Variants in UMODL1 observed in about 807,000 individuals in gnomAD.
UMODL1 encodes the protein uromodulin like 1.
UMODL1 carries 128 observed loss-of-function variants against 136.3 expected under a neutral mutation model. The observed-to-expected ratio is 0.94, with a 90% confidence interval of 0.81 to 1.09. UMODL1 has a LOEUF of 1.09. UMODL1 is among the 50% of genes least tolerant of loss of function. UMODL1 has a pLI of 0.00. For missense variants in UMODL1, 1,766 were observed against 1,725.6 expected, an observed-to-expected ratio of 1.02 and a Z score of -0.41; for synonymous variants, 721 against 720.0, an observed-to-expected ratio of 1.00 and a Z score of -0.02.
chr21:42,102,344 C>A, intron 8 of UMODL1, 66 bp downstream of exon 8: 1 of 1,200,692 alleles, frequency 8.3e-7, no homozygotes, highest in Non-Finnish European at 1.2e-6. Flanking sequence ...AAACACAAGC[C>A]GTTAATTCCT....
chr21:42,108,407 T>C (rs1199079531), intron 9 of UMODL1: 1 of 495,282 alleles, frequency 2.0e-6, no homozygotes, highest in South Asian at 1.5e-5. Context: ...ATAGCTGTTG[T>C]GGCAGCTGAC....
intron 19 of UMODL1, 70 bp downstream of exon 19, chr21:42,127,312 A>C (rs2123366688): frequency 7.2e-7 from 1 of 1,398,084 alleles, no homozygotes; most frequent in Non-Finnish European, 1.0e-6. Context: ...GGTAGGGCTC[A>C]AGAATGCAGA....
chr21:42,097,213 C>A (rs190140005), intron 6 of UMODL1, among the ~76,000 whole-genome samples: 65 of 152,258 alleles, frequency 4.3e-4, no homozygotes, highest in Admixed American at 2.7e-3. Flanking sequence ...TACATTCTAC[C>A]CCACATCCTA....
At position 42,111,836 on chromosome 21, in the gene UMODL1, A is replaced by T; in HGVS notation, c.2104+126A>T. 4.9e-6 allele frequency: 5 copies of T among 1,020,972 alleles called. No individual in the cohort carries two copies. The South Asian group carries it at 8.8e-5, about 18-fold the overall frequency. The allele number at this position is 1,020,972 out of a possible 1,614,324, so 63.2% of individuals were successfully genotyped here. A position where few individuals can be genotyped will look rare whatever the true frequency, so the allele number is the denominator to read the frequency against. ...CTAGCAATGCTCAGGCGGCATCCTCATCTTGTGCGTGTGGAAACGGAGGCA... is the reference window on the plus strand; with the variant it reads ...CTAGCAATGCTCAGGCGGCATCCTCTTCTTGTGCGTGTGGAAACGGAGGCA... On this transcript the variant is annotated intron_variant, in intron 12 of 22. Coordinates refer to ENST00000408910, the MANE Select transcript of UMODL1 (RefSeq NM_001004416.3).
chr21:42,118,983 CTG>C, intron 14 of UMODL1, 126 bp from the exon 15 acceptor site: 1 of 886,624 alleles, frequency 1.1e-6, no homozygotes, highest in Non-Finnish European at 1.7e-6. Flanking sequence ...CAGAACCAAC[CTG>C]TGGCTTTTAC....
At chr21:42,121,916 G>A (rs962048521) in intron 16 of UMODL1, among the ~76,000 whole-genome samples, 1 of 152,194 alleles carries the variant, frequency 6.6e-6, no homozygotes, top group Non-Finnish European at 1.5e-5. Flanking sequence ...GGCATGGTGG[G>A]TGGGTGCCGT....
intron 6 of UMODL1, among the ~76,000 whole-genome samples, chr21:42,097,224 G>T (rs1477542158): frequency 6.6e-6 from 1 of 152,204 alleles, no homozygotes; most frequent in African/African-American, 2.4e-5. Flanking sequence ...CCACATCCTA[G>T]AAGTGTTATT....
chr21:42,102,053 C>A, intron 7 of UMODL1, 113 bp from the exon 8 acceptor site: 1 of 704,248 alleles, frequency 1.4e-6, no homozygotes, highest in Non-Finnish European at 2.4e-6. Flanking sequence ...AAGATTCATG[C>A]CTCAATCTAT....
chr21:42,081,781 G>A (rs981016866), intron 2 of UMODL1, among the ~76,000 whole-genome samples: 1 of 152,130 alleles, frequency 6.6e-6, no homozygotes, highest in African/African-American at 2.4e-5. Flanking sequence ...GGGCATTGTC[G>A]GGAAACTCCA....
chr21:42,109,095 C>T (rs113572114), intron 9 of UMODL1, among the ~76,000 whole-genome samples: 2 of 129,640 alleles, frequency 1.5e-5, no homozygotes, highest in Non-Finnish European at 3.3e-5. Flanking sequence ...CCACCCCCGG[C>T]GTGGAAAGCT....
At chr21:42,126,870 G>A (rs189014304) in intron 18 of UMODL1, 136 bp from the exon 19 acceptor site, 9 of 804,434 alleles carry the variant, frequency 1.1e-5, no homozygotes, top group African/African-American at 1.7e-5. Flanking sequence ...AAGTGCTCTC[G>A]TTTGGGGTTG....
At chr21:42,072,293 T>A (rs1276645243) in intron 1 of UMODL1, among the ~76,000 whole-genome samples, 2 of 152,232 alleles carry the variant, frequency 1.3e-5, no homozygotes, top group African/African-American at 2.4e-5. Context: ...AATTTTAAAA[T>A]CATTTTCCTC....
chr21:42,086,708 G>A (rs1237696712), intron 4 of UMODL1: 1 of 445,406 alleles, frequency 2.2e-6, no homozygotes, highest in Non-Finnish European at 4.5e-6. Context: ...GCTCAAGCTT[G>A]TAATCCCAGC....
upstream of UMODL1, among the ~76,000 whole-genome samples, chr21:42,068,029 C>T (rs892304381): frequency 6.6e-5 from 10 of 152,082 alleles, no homozygotes; most frequent in East Asian, 7.7e-4. This position sits in a 1 kb window ranked among gnomAD's most constrained non-coding sequence, Gnocchi z 5.5. Flanking sequence ...AGAGGCGGCC[C>T]GGAGAACTCT....
chr21:42,116,949 G>A (rs1285283833), intron 14 of UMODL1, among the ~76,000 whole-genome samples: 1 of 152,118 alleles, frequency 6.6e-6, no homozygotes, highest in Non-Finnish European at 1.5e-5. Flanking sequence ...GGTGGCGGGT[G>A]CCTGTAATCC....
chr21:42,074,570 G>A (rs1157146282), intron 1 of UMODL1, among the ~76,000 whole-genome samples: 1 of 152,176 alleles, frequency 6.6e-6, no homozygotes, highest in Admixed American at 6.6e-5. Flanking sequence ...TCTCGAGAAC[G>A]GAGTAATCAC....
intron 4 of UMODL1, among the ~76,000 whole-genome samples, chr21:42,087,443 T>C (rs1420540129): frequency 1.3e-5 from 2 of 152,214 alleles, no homozygotes; most frequent in African/African-American, 4.8e-5. Flanking sequence ...TGGTGACCAC[T>C]GGTCTGGCTG....
Position 42,122,794 on chromosome 21 carries a change from G to T in UMODL1, c.2828-37G>T. On this transcript the variant is annotated intron_variant, in intron 16 of 22. Coordinates refer to ENST00000408910, the MANE Select transcript of UMODL1 (RefSeq NM_001004416.3). The surrounding 1 kb of genome is among the most constrained non-coding windows in gnomAD (Gnocchi z 4.3). ...CCCCTCCATGCCAACCCCAAACACA[G>T]AGCCACTCTTTGCCTTTTCCTCCTT... is the stretch of plus-strand genomic sequence containing the variant. 1 of 1,549,500 alleles carries T rather than the reference G, an allele frequency of 6.5e-7. No homozygotes were observed.
At chr21:42,080,295 C>T (rs2066347101) in intron 2 of UMODL1, among the ~76,000 whole-genome samples, 1 of 152,162 alleles carries the variant, frequency 6.6e-6, no homozygotes, top group African/African-American at 2.4e-5. Flanking sequence ...CTGGACCTGG[C>T]AGATGTTGGA....
Sources: allele counts gnomAD v4.1 joint callset (sites outside exome capture counted in the v4.1 genomes callset), GRCh38; gene constraint gnomAD v4.1.1; non-coding constraint Gnocchi (gnomAD v3.1); transcripts MANE v1.5; gene names NCBI Gene and HGNC (gene_info 2026-07-23, HGNC 2026-07-21).